METAP2: variants seen among roughly 807,000 people sequenced by gnomAD.
The protein encoded by METAP2 is methionine aminopeptidase 2.
A neutral mutation model predicts 59.4 loss-of-function variants in METAP2; 25 were observed. The observed-to-expected ratio is 0.42, with a 90% confidence interval of 0.31 to 0.59. METAP2 has a LOEUF of 0.59. Ranked by LOEUF, METAP2 falls within the 20% of genes least tolerant of loss-of-function variation. The pLI, the probability that METAP2 is intolerant of heterozygous loss-of-function variation, is 0.16. For synonymous variants in METAP2, 214 were observed against 194.1 expected (o/e 1.10, Z -0.85); for missense variants, 366 against 581.2 (o/e 0.63, Z 3.81).
At chr12:95,512,952 T>C (rs377202702) in intron 10 of METAP2, 36 bp downstream of exon 10, 2 of 1,208,016 alleles carry the variant, frequency 1.7e-6, no homozygotes, top group African/African-American at 3.0e-5. Flanking sequence ...TGTGGCTAAT[T>C]AGCATCTCTT....
intron 8 of METAP2, among the ~76,000 whole-genome samples, chr12:95,506,114 G>A (rs764957734): frequency 4.5e-4 from 68 of 151,562 alleles, no homozygotes; most frequent in Admixed American, 8.5e-4. Flanking sequence ...AAATAAAAAA[G>A]AGTCTTCCTC....
chr12:95,507,940 A>ATTTTTT (rs372529582), intron 8 of METAP2, among the ~76,000 whole-genome samples: 3 of 130,226 alleles, frequency 2.3e-5, no homozygotes, highest in African/African-American at 5.9e-5. Context: ...ACGCCCAGCA[A>ATTTTTT]TTTTTTTTTT....
intron 5 of METAP2, among the ~76,000 whole-genome samples, 178 bp from the exon 6 acceptor site, chr12:95,494,779 T>C (rs977893710): frequency 6.6e-6 from 1 of 152,226 alleles, no homozygotes; most frequent in Non-Finnish European, 1.5e-5. Context: ...TCTAAAGATA[T>C]GCTATTTTCA....
intron 1 of METAP2, 107 bp from the exon 2 acceptor site, chr12:95,475,964 T>G: frequency 1.4e-5 from 9 of 653,096 alleles, no homozygotes; most frequent in Middle Eastern, 2.7e-4. Flanking sequence ...TGTTTCTGTT[T>G]TTGTTTCCTG....
chr12:95,507,635 C>G (rs2076371407), intron 8 of METAP2, among the ~76,000 whole-genome samples: 1 of 152,220 alleles, frequency 6.6e-6, no homozygotes, highest in African/African-American at 2.4e-5. Flanking sequence ...CAGTGTTAAT[C>G]CTCCACCTCC....
intron 4 of METAP2, among the ~76,000 whole-genome samples, chr12:95,487,926 T>A (rs1370702225): frequency 6.6e-6 from 1 of 152,204 alleles, no homozygotes; most frequent in Non-Finnish European, 1.5e-5. Context: ...TTGCTTTGTC[T>A]GCAATAATTT....
In METAP2 at chr12:95,489,694, C is replaced by T. The variant is rs188919316; in HGVS notation, c.428+3713C>T. Among the ~76,000 whole-genome samples, 424 of 152,242 alleles carry T rather than the reference C, an allele frequency of 2.8e-3. 1 individual carries two copies. The highest frequency in any genetic ancestry group is 8.6e-3 in the African/African-American group (357 of 41,544). On this transcript the variant is annotated intron_variant, in intron 4 of 10. Coordinates refer to ENST00000323666, the MANE Select transcript of METAP2 (RefSeq NM_006838.4). ...ACTTCTTATTTTGTACAAAATTAGTCGGGCATGGTGGCGCATGCCTGTAAT... is the reference window on the plus strand; with the variant it reads ...ACTTCTTATTTTGTACAAAATTAGTTGGGCATGGTGGCGCATGCCTGTAAT...
chr12:95,496,912 C>A (rs1191147190), intron 7 of METAP2, among the ~76,000 whole-genome samples: 2 of 146,186 alleles, frequency 1.4e-5, no homozygotes, highest in African/African-American at 5.1e-5. Flanking sequence ...GCATCTTCTG[C>A]CTCCTGGTCT....
intron 4 of METAP2, among the ~76,000 whole-genome samples, chr12:95,491,814 T>C (rs4762519): frequency 0.24 from 35,918 of 149,458 alleles, 4,863 homozygotes; most frequent in East Asian, 0.49. Context: ...GCCTGGTCAT[T>C]ACTATTTTTT....
intron 4 of METAP2, among the ~76,000 whole-genome samples, chr12:95,493,224 C>T (rs979948652): frequency 2.0e-5 from 3 of 152,064 alleles, no homozygotes; most frequent in Non-Finnish European, 4.4e-5. Flanking sequence ...GCCTGTAATC[C>T]CAGCCACTCA....
chr12:95,502,018 A>G (rs1161017858), intron 7 of METAP2, among the ~76,000 whole-genome samples: 1 of 142,880 alleles, frequency 7.0e-6, no homozygotes, highest in East Asian at 2.1e-4. Context: ...TTTTTTCCAA[A>G]TTGAAACAGG....
chr12:95,496,638 G>A (rs1214305602), intron 7 of METAP2, among the ~76,000 whole-genome samples: 2 of 151,840 alleles, frequency 1.3e-5, no homozygotes, highest in African/African-American at 4.8e-5. Flanking sequence ...TACCATTATA[G>A]TATCATACAG....
chr12:95,486,058 A>C, intron 4 of METAP2, 77 bp downstream of exon 4: 1 of 1,041,396 alleles, frequency 9.6e-7, no homozygotes, highest in Non-Finnish European at 1.4e-6. Context: ...GACATTTCTC[A>C]GAACTTTGCT....
At position 95,483,309 on chromosome 12, in the gene METAP2, T is replaced by C. The variant is rs765113566; in HGVS notation, c.325+29T>C. On this transcript the variant is annotated intron_variant, in intron 3 of 10. Coordinates refer to ENST00000323666, the MANE Select transcript of METAP2 (RefSeq NM_006838.4). ...AGTGTCTTAAGTTAATGTTAATTGA[T>C]ATATTAGAAGTGTTTATTCTGTCGG... 9.1e-6 allele frequency: 14 copies of C among 1,544,236 alleles called. No homozygotes were observed. In the African/African-American group the frequency reaches 1.5e-4, roughly 17 times the overall value.
At chr12:95,504,195 T>A in intron 8 of METAP2, 34 bp downstream of exon 8, 2 of 1,402,076 alleles carry the variant, frequency 1.4e-6, no homozygotes, top group Non-Finnish European at 2.0e-6. Context: ...TATTTTGAAA[T>A]TGATTTTACA....
intron 3 of METAP2, chr12:95,485,018 T>A: frequency 2.6e-6 from 1 of 387,342 alleles, no homozygotes; most frequent in Non-Finnish European, 5.0e-6. Context: ...ACTGCCCTCA[T>A]TTTCCTCATC....
In METAP2 at chr12:95,510,973, G is replaced by GTT. The variant is rs201713089; in HGVS notation, c.965-919_965-918dup. Among the ~76,000 whole-genome samples the GTT allele has an allele frequency of 5.4e-3, 818 of 152,182 alleles. 7 individuals are homozygous for GTT. The highest frequency in any genetic ancestry group is 0.018 in the African/African-American group (765 of 41,506). On this transcript the variant is annotated intron_variant, in intron 8 of 10. Transcript: ENST00000323666. Reference sequence around the variant, plus strand: ...AACAACTGGAATAAAAAAGCTAGACGTTTTATTCCAGTTGTTAAATGTATT... The same window carrying GTT: ...AACAACTGGAATAAAAAAGCTAGACGTTTTTTATTCCAGTTGTTAAATGTATT...
chr12:95,490,964 A>G (rs2076233526), intron 4 of METAP2, among the ~76,000 whole-genome samples: 2 of 152,192 alleles, frequency 1.3e-5, no homozygotes, highest in African/African-American at 2.4e-5. Context: ...ACAGAGGTAT[A>G]AAATAAGTGA....
At position 95,509,841 on chromosome 12, in the gene METAP2, C is replaced by CT. The variant is rs200845480; in HGVS notation, c.965-2054_965-2053insT. 8.0e-3 allele frequency among the ~76,000 whole-genome samples: 1,189 copies of CT among 149,222 alleles called. 30 individuals are homozygous for CT. Among genetic ancestry groups the CT allele is most frequent in the African/African-American group, 0.029 (1,139 of 39,782 alleles). On this transcript the variant is annotated intron_variant, in intron 8 of 10. Coordinates refer to ENST00000323666, the MANE Select transcript of METAP2 (RefSeq NM_006838.4). ...AGTTAAATTTTTTTAAGACCTCCCCCCCAACCTTTTTTTTTTTTTTTTTTT... is the reference window on the plus strand; with the variant it reads ...AGTTAAATTTTTTTAAGACCTCCCCCTCCAACCTTTTTTTTTTTTTTTTTTT...
Sources: allele counts gnomAD v4.1 joint callset (sites outside exome capture counted in the v4.1 genomes callset), GRCh38; gene constraint gnomAD v4.1.1; transcripts MANE v1.5; gene names NCBI Gene and HGNC (gene_info 2026-07-23, HGNC 2026-07-21).